The following PALLD variants were observed in gnomAD, a reference collection of about 807,000 sequenced individuals.
PALLD encodes palladin, cytoskeletal associated protein.
Under a neutral mutation model 123.5 loss-of-function variants are expected in PALLD, and 61 were observed. The ratio of observed to expected loss-of-function variants is 0.49; its 90% CI spans 0.40 to 0.61. The LOEUF is 0.61. PALLD is among the 20% of genes least tolerant of loss of function. PALLD has a pLI of 0.00. For missense variants in PALLD, 1,273 were observed against 1,377.0 expected (o/e 0.92, Z 1.20); for synonymous variants, 465 against 496.4 (o/e 0.94, Z 0.84).
chr4:168,649,748 A>G (rs1172034258), intron 2 of PALLD, among the ~76,000 whole-genome samples: 1 of 152,244 alleles, frequency 6.6e-6, no homozygotes, highest in Non-Finnish European at 1.5e-5. Context: ...TAATAATGCA[A>G]GTCTCTTTTC....
intron 3 of PALLD, among the ~76,000 whole-genome samples, chr4:168,677,379 G>C (rs1780965142): frequency 6.6e-6 from 1 of 152,112 alleles, no homozygotes; most frequent in South Asian, 2.1e-4. Context: ...GGGTTGGACA[G>C]GTGTGCAAAA....
chr4:168,809,632 G>A (rs949935554), intron 10 of PALLD, among the ~76,000 whole-genome samples: 3 of 152,188 alleles, frequency 2.0e-5, no homozygotes, highest in Admixed American at 1.3e-4. Context: ...GAAGGCCAAG[G>A]TGGGTGGATC....
At chr4:168,687,374 C>T (rs1468126446) in intron 6 of PALLD, among the ~76,000 whole-genome samples, 1 of 152,146 alleles carries the variant, frequency 6.6e-6, no homozygotes, top group Non-Finnish European at 1.5e-5. Flanking sequence ...ATGAAGTCTT[C>T]CTTTGATGTT....
At chr4:168,546,009 A>G (rs972118469) in intron 2 of PALLD, among the ~76,000 whole-genome samples, 8 of 152,160 alleles carry the variant, frequency 5.3e-5, no homozygotes, top group African/African-American at 1.4e-4. Context: ...TTAAATGCAC[A>G]ATTCCATTCT....
At chr4:168,516,677 T>A (rs1763019147) in intron 2 of PALLD, among the ~76,000 whole-genome samples, 1 of 152,180 alleles carries the variant, frequency 6.6e-6, no homozygotes, top group South Asian at 2.1e-4. Flanking sequence ...CTGCAGTTGT[T>A]AATGAGAAGA....
At chr4:168,795,881 G>T (rs568668392) in intron 10 of PALLD, among the ~76,000 whole-genome samples, 1 of 151,366 alleles carries the variant, frequency 6.6e-6, no homozygotes, top group Non-Finnish European at 1.5e-5. Context: ...GCTATTTTTT[G>T]TACTTATTTT....
Position 168,926,378 on chromosome 4 carries a change from AC to A in PALLD, c.*200del. ...AATACTGCCTTGGTAGAAAGTGAGG[AC>A]CTGTAATCCAGCATTCTTGTTAAAG... is the stretch of plus-strand genomic sequence containing the variant. On this transcript the variant is annotated 3_prime_UTR_variant, in exon 22 of 22. Coordinates refer to ENST00000505667, the MANE Select transcript of PALLD (RefSeq NM_001166108.2). 6.5e-7 allele frequency: 1 copy of A among 1,536,684 alleles called. No individual in the cohort carries two copies. Among genetic ancestry groups the A allele is most frequent in the Non-Finnish European group, 8.7e-7 (1 of 1,146,322 alleles).
intron 10 of PALLD, among the ~76,000 whole-genome samples, chr4:168,826,385 A>G (rs900384328): frequency 2.0e-5 from 3 of 152,152 alleles, no homozygotes; most frequent in African/African-American, 7.2e-5. Flanking sequence ...TTTACTCCAA[A>G]CATATATATT....
At chr4:168,582,649 G>C (rs1426805119) in intron 2 of PALLD, among the ~76,000 whole-genome samples, 1 of 151,980 alleles carries the variant, frequency 6.6e-6, no homozygotes, top group Non-Finnish European at 1.5e-5. Flanking sequence ...AGTTAATTTT[G>C]TCAAATGTTC....
chr4:168,832,055 C>G (rs1023781253), intron 10 of PALLD: 28 of 985,284 alleles, frequency 2.8e-5, no homozygotes, highest in Non-Finnish European at 3.1e-5. Flanking sequence ...AGTCACCCGG[C>G]GGGCGAGGTA....
intron 10 of PALLD, among the ~76,000 whole-genome samples, chr4:168,733,843 T>A (rs1170019016): frequency 6.6e-6 from 1 of 152,228 alleles, no homozygotes; most frequent in African/African-American, 2.4e-5. Flanking sequence ...CATGCCATTC[T>A]CCTGCCTCAG....
intron 10 of PALLD, among the ~76,000 whole-genome samples, chr4:168,888,363 A>G (rs1753663586): frequency 6.6e-6 from 1 of 152,162 alleles, no homozygotes; most frequent in African/African-American, 2.4e-5. Context: ...TTCGATGCAC[A>G]GGGTTTACTG....
At chr4:168,503,520 G>A (rs1354958370) in intron 1 of PALLD, among the ~76,000 whole-genome samples, 8 of 151,784 alleles carry the variant, frequency 5.3e-5, no homozygotes, top group South Asian at 2.1e-4. Flanking sequence ...GGTGGTGGGC[G>A]CCTGTAGTCC....
At chr4:168,822,169 G>A (rs1337833382) in intron 10 of PALLD, among the ~76,000 whole-genome samples, 1 of 152,142 alleles carries the variant, frequency 6.6e-6, no homozygotes, top group South Asian at 2.1e-4. Flanking sequence ...GACCTGATGA[G>A]GTCTTTGTTA....
chr4:168,773,337 A>G (rs1326340186), intron 10 of PALLD, among the ~76,000 whole-genome samples: 1 of 152,214 alleles, frequency 6.6e-6, no homozygotes, highest in Non-Finnish European at 1.5e-5. Flanking sequence ...AGGAGCTTCC[A>G]CCAGGTTTTC....
chr4:168,875,891 C>T (rs769073125), intron 10 of PALLD, among the ~76,000 whole-genome samples: 8 of 152,230 alleles, frequency 5.3e-5, no homozygotes, highest in African/African-American at 1.7e-4. Flanking sequence ...GGAATCCTCA[C>T]ATCAGGTACA....
At chr4:168,811,033 C>G (rs112285276) in intron 10 of PALLD, among the ~76,000 whole-genome samples, 1 of 151,976 alleles carries the variant, frequency 6.6e-6, no homozygotes, top group African/African-American at 2.4e-5. Flanking sequence ...ACGGAGATCT[C>G]CTAGATAGAA....
At chr4:168,850,619 C>A (rs1747631683) in intron 10 of PALLD, among the ~76,000 whole-genome samples, 2 of 148,246 alleles carry the variant, frequency 1.3e-5, no homozygotes, top group Admixed American at 1.4e-4. Flanking sequence ...ACCACCTCCA[C>A]CTCCCAGGTT....
At chr4:168,681,467 C>A (rs1367789174) in intron 4 of PALLD, 69 bp downstream of exon 4, 3 of 1,007,262 alleles carry the variant, frequency 3.0e-6, no homozygotes, top group African/African-American at 3.2e-5. Context: ...GGGTATGAAA[C>A]CATGTTTGCT....
Sources: allele counts gnomAD v4.1 joint callset (sites outside exome capture counted in the v4.1 genomes callset), GRCh38; gene constraint gnomAD v4.1.1; transcripts MANE v1.5; gene names NCBI Gene and HGNC (gene_info 2026-07-23, HGNC 2026-07-21).